Variants in JHY observed in about 807,000 individuals in gnomAD.
JHY encodes jhy protein homolog.
JHY carries 69 observed loss-of-function variants against 78.0 expected under a neutral mutation model. The ratio of observed to expected loss-of-function variants is 0.88; its 90% CI spans 0.73 to 1.08. JHY has a LOEUF of 1.08. Among genes scored for constraint, JHY ranks in the 50% least tolerant of loss-of-function variants. JHY has a pLI of 0.00. For missense variants in JHY, 944 were observed against 927.8 expected (o/e 1.02, Z -0.23); for synonymous variants, 368 against 342.6 (o/e 1.07, Z -0.82).
Position 122,946,651 on chromosome 11 carries a change from A to G in JHY, c.1788A>G (p.Ile596Met), listed in dbSNP as rs765178035. ...TATCCAGCGTCACGCTTCCACCTATACTGTCAAGGGTAGAAAGTGAATCCC... is the reference window on the plus strand; with the variant it reads ...TATCCAGCGTCACGCTTCCACCTATGCTGTCAAGGGTAGAAAGTGAATCCC... The part of the protein sequence containing the change: ...GALSSVTLPP[I>M]LSRVESESQL... The change falls in exon 6 of 9, where the codon ATA (isoleucine) becomes ATG (methionine). Residue 596 changes from isoleucine to methionine, a missense_variant. Transcript: ENST00000227349. The G allele has an allele frequency of 1.2e-6, 2 of 1,614,130 alleles. No homozygotes were observed. The highest frequency in any genetic ancestry group is 1.7e-6 in the Non-Finnish European group (2 of 1,180,004).
chr11:122,915,643 G>A (rs893871623), intron 3 of JHY, among the ~76,000 whole-genome samples: 10 of 152,118 alleles, frequency 6.6e-5, no homozygotes, highest in Non-Finnish European at 1.3e-4. Context: ...CTCCCAAGTA[G>A]CTGGGATTAG....
intron 5 of JHY, among the ~76,000 whole-genome samples, chr11:122,940,677 G>C (rs576838395): frequency 6.6e-6 from 1 of 152,104 alleles, no homozygotes; most frequent in East Asian, 1.9e-4. Flanking sequence ...ACAGCTTTTT[G>C]TACAGTGGTT....
At chr11:122,948,468 A>AATCATAATCATAATC (rs1555059947) in intron 6 of JHY, among the ~76,000 whole-genome samples, 4 of 148,376 alleles carry the variant, frequency 2.7e-5, no homozygotes, top group African/African-American at 1.0e-4. Flanking sequence ...TAATAATAAT[A>AATCATAATCATAATC]ATAATAATAA....
At chr11:122,944,314 A>G (rs1168467039) in intron 5 of JHY, among the ~76,000 whole-genome samples, 2 of 152,114 alleles carry the variant, frequency 1.3e-5, no homozygotes, top group South Asian at 2.1e-4. Context: ...ATACTTCTCT[A>G]TATCTTTTAT....
intron 8 of JHY, 37 bp downstream of exon 8, chr11:122,957,528 C>G: frequency 1.5e-6 from 2 of 1,367,266 alleles, no homozygotes; most frequent in Non-Finnish European, 1.9e-6. Flanking sequence ...TTTTTTCAAG[C>G]AGAATTAAAA....
Position 122,960,592 on chromosome 11 carries a change from CT to C in JHY, c.*1150del. On this transcript the variant is annotated 3_prime_UTR_variant, in exon 9 of 9. Transcript: ENST00000227349. ...CTCCAAACTGGGCTTATCTTGTATG[CT>C]TTATCCAAAGAAATATACATGATTA... The C allele has an allele frequency of 3.6e-6, 1 of 277,258 alleles. No homozygotes were observed. The highest frequency in any genetic ancestry group is 7.4e-6 in the Non-Finnish European group (1 of 135,720). 17.2% of individuals were successfully genotyped at this position (277,258 alleles called of 1,614,324 possible).
rs147448328 is a variant in JHY at position 122,897,256 on chromosome 11, G to A, written c.345-6669G>A. Among the ~76,000 whole-genome samples the A allele has an allele frequency of 2.0e-3, 309 of 151,708 alleles. 1 individual carries two copies. Among genetic ancestry groups the A allele is most frequent in the African/African-American group, 6.7e-3 (276 of 41,382 alleles). The stretch of plus-strand genomic sequence containing the variant: ...TTTATTTTTATTGAGATAGGGTGTC[G>A]CTGTGTTGCCCAAGCTGGAGTGCAG... On this transcript the variant is annotated intron_variant, in intron 2 of 8. Coordinates refer to ENST00000227349, the MANE Select transcript of JHY (RefSeq NM_024806.4).
intron 3 of JHY, among the ~76,000 whole-genome samples, chr11:122,924,658 A>G (rs1445849800): frequency 6.6e-6 from 1 of 152,190 alleles, no homozygotes; most frequent in Non-Finnish European, 1.5e-5. Flanking sequence ...TAAAGTAAGT[A>G]ATAGTTTGAC....
At chr11:122,905,492 T>A (rs965554139) in intron 3 of JHY, 121 of 1,197,680 alleles carry the variant, frequency 1.0e-4, no homozygotes, top group Middle Eastern at 6.7e-4. Context: ...TGTTCTAACC[T>A]CTAAGCATTT....
At chr11:122,953,911 G>A (rs953980067) in intron 6 of JHY, among the ~76,000 whole-genome samples, 4 of 152,046 alleles carry the variant, frequency 2.6e-5, no homozygotes, top group African/African-American at 9.7e-5. Context: ...ATTCTAATGG[G>A]GCAAATTCTA....
chr11:122,956,409 T>G, intron 6 of JHY, 87 bp from the exon 7 acceptor site: 1 of 1,083,854 alleles, frequency 9.2e-7, no homozygotes, highest in Admixed American at 2.3e-5. Flanking sequence ...TTTCTTACTT[T>G]ATGTGGCTAT....
intron 2 of JHY, among the ~76,000 whole-genome samples, chr11:122,889,869 G>C (rs1368453502): frequency 3.3e-5 from 5 of 151,966 alleles, no homozygotes; most frequent in Admixed American, 6.6e-5. Flanking sequence ...AATGATTCTC[G>C]TGCTTCAGCC....
At chr11:122,915,225 T>C (rs776860846) in intron 3 of JHY, among the ~76,000 whole-genome samples, 4 of 152,192 alleles carry the variant, frequency 2.6e-5, no homozygotes, top group Non-Finnish European at 2.9e-5. Context: ...GCTATGGCAA[T>C]GTGATCGCTT....
intron 2 of JHY, among the ~76,000 whole-genome samples, chr11:122,887,538 G>T (rs960805532): frequency 6.6e-6 from 1 of 152,010 alleles, no homozygotes; most frequent in Non-Finnish European, 1.5e-5. Context: ...GGCCAGGATG[G>T]TCTCGATCTC....
intron 5 of JHY, among the ~76,000 whole-genome samples, chr11:122,944,386 T>C (rs1863926447): frequency 6.6e-6 from 1 of 152,194 alleles, no homozygotes; most frequent in South Asian, 2.1e-4. Context: ...CAAATATATA[T>C]TCTCTTTATA....
Position 122,904,402 on chromosome 11 carries a change from T to A in JHY, c.822T>A (p.Leu274=). 10 of 1,613,838 alleles carry A rather than the reference T, an allele frequency of 6.2e-6. No individual in the cohort carries two copies. Among genetic ancestry groups the A allele is most frequent in the Non-Finnish European group, 8.5e-6 (10 of 1,179,820 alleles). The change falls in exon 3 of 9, where the codon CTT becomes CTA. Residue 274 remains leucine, a synonymous_variant. Transcript: ENST00000227349. The part of the protein sequence containing the change: ...GLPTPKTDSY[L]QLHNKKRGES... ...CCACCCCGAAAACGGACTCTTATCT[T>A]CAACTTCACAATAAAAAAAGAGGGG...
chr11:122,900,918 A>G (rs1862843653), intron 2 of JHY, among the ~76,000 whole-genome samples: 2 of 152,242 alleles, frequency 1.3e-5, no homozygotes, highest in Non-Finnish European at 2.9e-5. Context: ...TCCCCCAAAA[A>G]GGAGCAGTCT....
chr11:122,908,190 T>C (rs1591376424), intron 3 of JHY, among the ~76,000 whole-genome samples: 1 of 152,294 alleles, frequency 6.6e-6, no homozygotes, highest in South Asian at 2.1e-4. Flanking sequence ...CAGTGGTTCC[T>C]AAACATTAGA....
intron 2 of JHY, 59 bp from the exon 3 acceptor site, chr11:122,903,866 C>T: frequency 6.6e-7 from 1 of 1,506,420 alleles, no homozygotes; most frequent in Non-Finnish European, 8.9e-7. Context: ...GTTCAACTGA[C>T]TATAATGAGT....
Sources: gnomAD v4.1 joint callset for allele counts (sites outside exome capture counted in the v4.1 genomes callset) on GRCh38, gnomAD v4.1.1 for gene constraint, MANE v1.5 for transcripts, NCBI Gene and HGNC (gene_info 2026-07-23, HGNC 2026-07-21) for gene names.